PSD3: variants seen among roughly 807,000 people sequenced by gnomAD.
PSD3 encodes PH and SEC7 domain-containing protein 3.
PSD3 carries 49 observed loss-of-function variants against 105.5 expected under a neutral mutation model. The ratio of observed to expected loss-of-function variants is 0.46; its 90% CI spans 0.37 to 0.59. The LOEUF is 0.59. Among genes scored for constraint, PSD3 ranks in the 20% least tolerant of loss-of-function variants. The pLI is 0.00. For missense variants in PSD3, 1,561 were observed against 1,263.8 expected (o/e 1.24, Z -3.57); for synonymous variants, 557 against 457.8 (o/e 1.22, Z -2.77).
chr8:19,019,169 A>T (rs921330255), intron 1 of PSD3, among the ~76,000 whole-genome samples: 1 of 152,234 alleles, frequency 6.6e-6, no homozygotes, highest in Non-Finnish European at 1.5e-5. Context: ...CAAGCAAAAA[A>T]AACAGAGATG....
chr8:18,810,630 C>A (rs1171646203), intron 4 of PSD3, among the ~76,000 whole-genome samples: 1 of 152,114 alleles, frequency 6.6e-6, no homozygotes, highest in Non-Finnish European at 1.5e-5. Flanking sequence ...CCCTGTATGA[C>A]CCTGTATTTA....
chr8:18,913,086 A>AAAC (rs1820350725), intron 2 of PSD3, among the ~76,000 whole-genome samples: 17 of 130,540 alleles, frequency 1.3e-4, no homozygotes, highest in African/African-American at 3.8e-4. Context: ...CACACACACA[A>AAAC]ACACACACAC....
At chr8:18,676,159 G>T (rs1164420699) in intron 9 of PSD3, among the ~76,000 whole-genome samples, 1 of 152,060 alleles carries the variant, frequency 6.6e-6, no homozygotes, top group African/African-American at 2.4e-5. Flanking sequence ...ATTCTGAAAA[G>T]GATATTACAC....
chr8:18,672,476 C>T (rs759447713), intron 9 of PSD3, among the ~76,000 whole-genome samples: 4 of 152,040 alleles, frequency 2.6e-5, no homozygotes, highest in African/African-American at 4.8e-5. Context: ...TTATTCAAAA[C>T]GATCAATACA....
intron 14 of PSD3, among the ~76,000 whole-genome samples, chr8:18,571,317 T>C (rs1802123416): frequency 6.6e-6 from 1 of 152,030 alleles, no homozygotes; most frequent in African/African-American, 2.4e-5. Flanking sequence ...GTTAATAACT[T>C]GTGTGTGGTT....
In PSD3 at chr8:18,837,381, C is replaced by T. The variant is rs80093625; in HGVS notation, c.1634+30293G>A. 5.9e-5 allele frequency among the ~76,000 whole-genome samples: 9 copies of T among 152,198 alleles called. No individual in the cohort carries two copies. In the East Asian group the frequency reaches 1.7e-3, roughly 29 times the overall value. On this transcript the variant is annotated intron_variant, in intron 4 of 15. Transcript: ENST00000327040. ...TATTTATAAACTACTCAAATGCTTC[C>T]AAGTAAACGTCACTTAAAACAGGTA... is the stretch of plus-strand genomic sequence containing the variant.
At chr8:18,797,130 T>C (rs1173830719) in intron 8 of PSD3, among the ~76,000 whole-genome samples, 1 of 152,086 alleles carries the variant, frequency 6.6e-6, no homozygotes, top group Non-Finnish European at 1.5e-5. Context: ...ATTTACATGG[T>C]TAGTTCTTAT....
chr8:18,773,804 A>T (rs945855363), intron 8 of PSD3, among the ~76,000 whole-genome samples: 2 of 152,256 alleles, frequency 1.3e-5, no homozygotes, highest in Non-Finnish European at 2.9e-5. Context: ...GTGAACTTGG[A>T]TTTTCACAGT....
intron 2 of PSD3, among the ~76,000 whole-genome samples, chr8:18,888,538 C>T (rs775764334): frequency 6.6e-6 from 1 of 151,236 alleles, no homozygotes; most frequent in Non-Finnish European, 1.5e-5. Context: ...ATGAACTGTA[C>T]ATAGAAATAC....
chr8:18,903,688 T>C (rs1001579114), intron 2 of PSD3, among the ~76,000 whole-genome samples: 7 of 152,102 alleles, frequency 4.6e-5, no homozygotes, highest in Non-Finnish European at 1.0e-4. Context: ...ACCAATGTGC[T>C]CCTTCAGCTC....
chr8:19,036,624 C>G (rs1827951312), intron 1 of PSD3, among the ~76,000 whole-genome samples: 1 of 152,176 alleles, frequency 6.6e-6, no homozygotes, highest in Admixed American at 6.5e-5. Flanking sequence ...TGGACTCCAT[C>G]TGGATTGTGG....
intron 12 of PSD3, among the ~76,000 whole-genome samples, chr8:18,587,565 C>T (rs998156136): frequency 6.6e-6 from 1 of 152,078 alleles, no homozygotes; most frequent in Non-Finnish European, 1.5e-5. Context: ...TGCTTTTTCT[C>T]GCCTGCCTGC....
At chr8:18,830,874 C>A (rs981931398) in intron 4 of PSD3, among the ~76,000 whole-genome samples, 2 of 152,152 alleles carry the variant, frequency 1.3e-5, no homozygotes, top group African/African-American at 4.8e-5. Context: ...AAGGCCAATA[C>A]CATTTTCAGC....
chr8:18,548,159 G>A (rs539197392), intron 15 of PSD3, among the ~76,000 whole-genome samples: 1 of 152,228 alleles, frequency 6.6e-6, no homozygotes, highest in East Asian at 1.9e-4. Flanking sequence ...TGTTTGGGTT[G>A]TTAAATAATT....
intron 10 of PSD3, among the ~76,000 whole-genome samples, chr8:18,648,374 G>A (rs756258916): frequency 6.6e-5 from 10 of 151,900 alleles, no homozygotes; most frequent in East Asian, 1.9e-4. Context: ...TTTGTTATGC[G>A]GAAGCAAAGA....
At chr8:18,752,692 T>A (rs1306897560) in intron 9 of PSD3, among the ~76,000 whole-genome samples, 5 of 112,856 alleles carry the variant, frequency 4.4e-5, no homozygotes, top group Admixed American at 1.2e-4. Flanking sequence ...TAATCATATA[T>A]GATATAATAT....
At chr8:18,988,790 G>T (rs1213477544) in intron 1 of PSD3, among the ~76,000 whole-genome samples, 1 of 152,182 alleles carries the variant, frequency 6.6e-6, no homozygotes. Flanking sequence ...GCAAATAAGA[G>T]CAGGGAAAAT....
chr8:18,730,690 A>G (rs1462272059), intron 9 of PSD3, among the ~76,000 whole-genome samples: 1 of 152,216 alleles, frequency 6.6e-6, no homozygotes. Flanking sequence ...TACCAGTAGC[A>G]GCTAATTGCC....
At position 18,790,283 on chromosome 8, in the gene PSD3, T is replaced by C. The variant is rs530080727; in HGVS notation, c.2082+9012A>G. Among the ~76,000 whole-genome samples, 5 of 151,904 alleles carry C rather than the reference T, an allele frequency of 3.3e-5. No homozygotes were observed. In the East Asian group the frequency reaches 5.8e-4, roughly 18 times the overall value. ...TTTACAATTCATCATTTTTAGATCA[T>C]AACATTTTTCTTTTTTCTTTTCTTT... On this transcript the variant is annotated intron_variant, in intron 8 of 15. Transcript: ENST00000327040.
Sources: allele counts gnomAD v4.1 joint callset (sites outside exome capture counted in the v4.1 genomes callset), GRCh38; gene constraint gnomAD v4.1.1; transcripts MANE v1.5; gene names NCBI Gene and HGNC (gene_info 2026-07-23, HGNC 2026-07-21).